The following FCHO2 variants were observed in gnomAD, a reference collection of about 807,000 sequenced individuals.
FCHO2 encodes the protein FCH and mu domain containing endocytic adaptor 2.
FCHO2 carries 43 observed loss-of-function variants against 114.1 expected under a neutral mutation model. That is an observed-to-expected ratio of 0.38 (90% CI 0.30 to 0.49). FCHO2 has a LOEUF of 0.49. Ranked by LOEUF, FCHO2 falls within the 20% of genes least tolerant of loss-of-function variation. The pLI is 0.97. For synonymous variants in FCHO2, 293 were observed against 315.2 expected (o/e 0.93, Z 0.75); for missense variants, 807 against 950.4 (o/e 0.85, Z 1.98).
intron 11 of FCHO2, among the ~76,000 whole-genome samples, chr5:73,043,618 T>C (rs1288843147): frequency 1.3e-5 from 2 of 152,316 alleles, no homozygotes; most frequent in Admixed American, 1.3e-4. Flanking sequence ...GGGAACTGGT[T>C]AAATAAATTG....
chr5:73,082,815 A>G lies in FCHO2; in HGVS notation c.2235A>G (p.Ser745=). ...AATTGTCTAGTATTTCAGAAAAATC[A>G]GAAAATGGAGGTAAGTGTGTGTGTC... ...FWKLSSISEK[S]ENGGSGSLRA... Residue 745 remains serine, a synonymous_variant, in exon 24 of 26, where the codon TCA becomes TCG. Transcript: ENST00000430046. 2 of 1,605,104 alleles carry G rather than the reference A, an allele frequency of 1.2e-6. No homozygotes were observed. Among genetic ancestry groups the G allele is most frequent in the Non-Finnish European group, 1.7e-6 (2 of 1,175,718 alleles).
At chr5:73,032,845 C>T (rs994856710) in intron 8 of FCHO2, among the ~76,000 whole-genome samples, 1 of 151,838 alleles carries the variant, frequency 6.6e-6, no homozygotes, top group Non-Finnish European at 1.5e-5. Context: ...TTTGGTAAAC[C>T]CTTTCTTGTC....
In FCHO2 at chr5:72,956,085, G is replaced by A. The variant is rs1283795504; in HGVS notation, c.-12G>A. 1.3e-6 allele frequency: 2 copies of A among 1,540,518 alleles called. No individual in the cohort carries two copies. The highest frequency in any genetic ancestry group is 2.5e-5 in the East Asian group (1 of 39,526). ...CGGGCGCGGACGCGGAACCCGGCGC[G>A]GCGGCGGCACGATGGTCATGGCGTA... On this transcript the variant is annotated 5_prime_UTR_variant, in exon 1 of 26. Transcript: ENST00000430046.
intron 18 of FCHO2, among the ~76,000 whole-genome samples, chr5:73,064,170 A>G (rs1251219238): frequency 6.6e-6 from 1 of 152,072 alleles, no homozygotes; most frequent in Non-Finnish European, 1.5e-5. Context: ...TTCCTGAGAA[A>G]GTTGGCACAT....
chr5:73,052,711 T>C lies in FCHO2; in HGVS notation c.1173+204T>C, dbSNP rs966244943. 8 of 497,088 alleles carry C rather than the reference T, an allele frequency of 1.6e-5. No homozygotes were observed. In the Admixed American group the frequency reaches 3.0e-4, roughly 19 times the overall value. 30.8% of individuals were successfully genotyped at this position (497,088 alleles called of 1,614,324 possible). ...GAAAGTGAAAATGTCAAAAATTTAC[T>C]ATTTCTGCCATTTGTTGCATTTCAT... On this transcript the variant is annotated intron_variant, in intron 13 of 25. Transcript: ENST00000430046.
At chr5:72,989,633 T>C in intron 3 of FCHO2, 132 bp downstream of exon 3, 1 of 597,716 alleles carries the variant, frequency 1.7e-6, no homozygotes. Context: ...CTGTAAATAT[T>C]AATATATTCT....
intron 5 of FCHO2, chr5:72,997,762 C>T: frequency 7.4e-7 from 1 of 1,354,860 alleles, no homozygotes; most frequent in Non-Finnish European, 9.7e-7. Flanking sequence ...GCCCCTCCAA[C>T]CCCTCTCTGC....
intron 24 of FCHO2, among the ~76,000 whole-genome samples, chr5:73,086,997 C>A (rs562213635): frequency 6.6e-6 from 1 of 152,242 alleles, no homozygotes; most frequent in East Asian, 1.9e-4. Flanking sequence ...TCCTTTACAG[C>A]ATTTATAATA....
At chr5:73,029,703 A>G (rs1756128489) in intron 8 of FCHO2, among the ~76,000 whole-genome samples, 1 of 152,214 alleles carries the variant, frequency 6.6e-6, no homozygotes, top group African/African-American at 2.4e-5. Context: ...GGAAGGCAAC[A>G]GAGAGCCACC....
At chr5:73,015,489 C>A in intron 6 of FCHO2, 137 bp from the exon 7 acceptor site, 2 of 459,294 alleles carry the variant, frequency 4.4e-6, no homozygotes, top group Non-Finnish European at 7.8e-6. Flanking sequence ...TCTTGAACTT[C>A]TGACCTCAAG....
chr5:73,078,271 C>A lies in FCHO2; in HGVS notation c.1939C>A (p.Pro647Thr). 1 of 1,600,506 alleles carries A rather than the reference C, an allele frequency of 6.2e-7. No homozygotes were observed. The highest frequency in any genetic ancestry group is 8.5e-7 in the Non-Finnish European group (1 of 1,173,522). Residue 647 changes from proline (P) to threonine (T), a missense_variant, in exon 22 of 26, where the codon CCA (proline) becomes ACA (threonine). Transcript: ENST00000430046. ...CCTCAAGAAGCTGTCAGAGCAAAATCCAGCTGCTTCTTATTATAATGTAGA... is the reference window on the plus strand; with the variant it reads ...CCTCAAGAAGCTGTCAGAGCAAAATACAGCTGCTTCTTATTATAATGTAGA... Reference protein sequence around the residue: ...VYLKKLSEQNPAASYYNVDVL... With the variant: ...VYLKKLSEQNTAASYYNVDVL...
At chr5:73,085,016 C>T (rs933817449) in intron 24 of FCHO2, among the ~76,000 whole-genome samples, 1 of 152,174 alleles carries the variant, frequency 6.6e-6, no homozygotes, top group Non-Finnish European at 1.5e-5. Flanking sequence ...TGAAACTATA[C>T]TATTGTAAAT....
intron 17 of FCHO2, among the ~76,000 whole-genome samples, chr5:73,058,854 A>G (rs1387224273): frequency 1.3e-5 from 2 of 152,156 alleles, no homozygotes; most frequent in Non-Finnish European, 2.9e-5. Context: ...TCTTGTTGGA[A>G]GTTTAAGTTG....
intron 8 of FCHO2, among the ~76,000 whole-genome samples, chr5:73,030,048 T>G (rs1051997177): frequency 3.3e-5 from 5 of 150,710 alleles, no homozygotes; most frequent in African/African-American, 7.3e-5. Context: ...TCTTTTTGTT[T>G]TTTTTTTTTT....
At chr5:72,981,091 C>G (rs912636056) in intron 2 of FCHO2, among the ~76,000 whole-genome samples, 3 of 152,086 alleles carry the variant, frequency 2.0e-5, no homozygotes, top group Non-Finnish European at 4.4e-5. Flanking sequence ...TTGGTTGTTT[C>G]TTTCCATGTT....
At chr5:72,978,494 TAAG>T (rs1753004389) in intron 2 of FCHO2, among the ~76,000 whole-genome samples, 1 of 152,336 alleles carries the variant, frequency 6.6e-6, no homozygotes, top group South Asian at 2.1e-4. Flanking sequence ...CTTACCAGCT[TAAG>T]GAGATTTTGG....
intron 11 of FCHO2, among the ~76,000 whole-genome samples, chr5:73,050,908 A>G (rs544765891): frequency 6.6e-6 from 1 of 152,286 alleles, no homozygotes; most frequent in South Asian, 2.1e-4. Context: ...GTTCACCCAG[A>G]CTTAAACTGC....
chr5:72,979,110 A>G (rs886723048), intron 2 of FCHO2, among the ~76,000 whole-genome samples: 2 of 152,012 alleles, frequency 1.3e-5, no homozygotes, highest in Non-Finnish European at 2.9e-5. Context: ...TGATATTAGG[A>G]TGATGCTGGC....
At chr5:73,039,344 C>G (rs928225687) in intron 10 of FCHO2, among the ~76,000 whole-genome samples, 2 of 152,140 alleles carry the variant, frequency 1.3e-5, no homozygotes, top group Non-Finnish European at 2.9e-5. Flanking sequence ...AGTACTTTAC[C>G]CCAATGACTG....
Sources: gnomAD v4.1 joint callset for allele counts (sites outside exome capture counted in the v4.1 genomes callset) on GRCh38, gnomAD v4.1.1 for gene constraint, MANE v1.5 for transcripts, NCBI Gene and HGNC (gene_info 2026-07-23, HGNC 2026-07-21) for gene names.